The following SERPINA6 variants were observed in gnomAD, a reference collection of about 807,000 sequenced individuals.
The protein encoded by SERPINA6 is serpin family A member 6, also known as corticosteroid-binding globulin.
In SERPINA6, 19 loss-of-function variants were observed where a neutral mutation model predicts 26.4. That is an observed-to-expected ratio of 0.72 (90% CI 0.50 to 1.06). The LOEUF (loss-of-function observed/expected upper bound fraction) is 1.06. SERPINA6 is among the 50% of genes least tolerant of loss of function. SERPINA6 has a pLI of 0.00. For missense variants in SERPINA6, 473 were observed against 504.0 expected (o/e 0.94, Z 0.59); for synonymous variants, 196 against 199.4 (o/e 0.98, Z 0.14).
intron 3 of SERPINA6, among the ~76,000 whole-genome samples, chr14:94,309,306 T>C (rs983378052): frequency 8.8e-5 from 6 of 68,026 alleles, no homozygotes; most frequent in African/African-American, 2.5e-4. Context: ...GGCTCCATGA[T>C]GTATACATTT....
intron 1 of SERPINA6, 189 bp from the exon 2 acceptor site, chr14:94,314,856 C>T (rs775301717): frequency 4.5e-4 from 287 of 632,578 alleles, no homozygotes; most frequent in Middle Eastern, 4.2e-4. Context: ...GAATAACAGC[C>T]GTTATGATTT....
In SERPINA6 at chr14:94,306,227, G is replaced by A; in HGVS notation, c.885-9C>T. 1.2e-6 allele frequency: 2 copies of A among 1,614,082 alleles called. No individual in the cohort carries two copies. The highest frequency in any genetic ancestry group is 8.5e-7 in the Non-Finnish European group (1 of 1,180,014). On this transcript the variant is annotated splice_polypyrimidine_tract_variant and intron_variant, in intron 3 of 4. Coordinates refer to ENST00000341584, the MANE Select transcript of SERPINA6 (RefSeq NM_001756.4). Reference sequence around the variant, plus strand: ...TGTACAGGTCCACCTGGCTGCTCGGGGTAAGCAGACAGAGTTAGACATTCC... The same window carrying A: ...TGTACAGGTCCACCTGGCTGCTCGGAGTAAGCAGACAGAGTTAGACATTCC...
chr14:94,304,661 G>A (rs920808577), intron 4 of SERPINA6, 58 bp from the exon 5 acceptor site: 4 of 1,450,014 alleles, frequency 2.8e-6, no homozygotes, highest in Non-Finnish European at 2.9e-6. Context: ...TCGCTTTCCT[G>A]ACTCATTGCT....
At chr14:94,320,922 G>C (rs1895676232) in intron 1 of SERPINA6, among the ~76,000 whole-genome samples, 1 of 152,122 alleles carries the variant, frequency 6.6e-6, no homozygotes, top group Non-Finnish European at 1.5e-5. Context: ...TTCTCCATCG[G>C]GTTTCTGACT....
chr14:94,305,995 A>G (rs1895433293), intron 4 of SERPINA6, 76 bp downstream of exon 4: 1 of 1,560,374 alleles, frequency 6.4e-7, no homozygotes, highest in Non-Finnish European at 8.8e-7. Flanking sequence ...GAACGAACTC[A>G]GTGCCACTTC....
At chr14:94,317,862 G>A (rs1165933471) in intron 1 of SERPINA6, among the ~76,000 whole-genome samples, 1 of 152,152 alleles carries the variant, frequency 6.6e-6, no homozygotes, top group Non-Finnish European at 1.5e-5. Flanking sequence ...GAGCAATTGG[G>A]CAAGGAAAGA....
chr14:94,312,306 C>G (rs1027952195), intron 2 of SERPINA6, among the ~76,000 whole-genome samples: 2 of 152,174 alleles, frequency 1.3e-5, no homozygotes, highest in Admixed American at 6.5e-5. Flanking sequence ...GGCCAGCACC[C>G]GTTCCACCAA....
intron 1 of SERPINA6, chr14:94,314,925 C>T: frequency 3.6e-6 from 2 of 557,568 alleles, no homozygotes; most frequent in Non-Finnish European, 6.4e-6. Context: ...ATTCAGTCAT[C>T]TAACCATTAC....
At chr14:94,306,968 C>T (rs1457095559) in intron 3 of SERPINA6, among the ~76,000 whole-genome samples, 1 of 152,192 alleles carries the variant, frequency 6.6e-6, no homozygotes. Flanking sequence ...CGCACCGGCT[C>T]TCTTGGCAGA....
Position 94,306,054 on chromosome 14 carries a change from G to T in SERPINA6, c.1032+17C>A. ...ATTTTGGAGGGGGAAGAAAAGGTGG[G>T]TTCCCATGACATTTACCTTTGATGA... On this transcript the variant is annotated intron_variant, in intron 4 of 4. Coordinates refer to ENST00000341584, the MANE Select transcript of SERPINA6 (RefSeq NM_001756.4). The T allele has an allele frequency of 6.2e-7, 1 of 1,614,110 alleles. No homozygotes were observed. Among genetic ancestry groups the T allele is most frequent in the Non-Finnish European group, 8.5e-7 (1 of 1,179,964 alleles).
At chr14:94,305,989 G>A (rs776247301) in intron 4 of SERPINA6, 82 bp downstream of exon 4, 34 of 1,536,826 alleles carry the variant, frequency 2.2e-5, no homozygotes, top group Admixed American at 5.1e-5. Flanking sequence ...ATTCATGAAC[G>A]AACTCAGTGC....
At chr14:94,310,070 G>A (rs944456943) in intron 2 of SERPINA6, 64 bp from the exon 3 acceptor site, 54 of 1,534,484 alleles carry the variant, frequency 3.5e-5, no homozygotes, top group Non-Finnish European at 4.1e-5. Flanking sequence ...GTGATCTCAC[G>A]GGCCTACTAT....
At chr14:94,305,782 G>T (rs1654144026) in intron 4 of SERPINA6, among the ~76,000 whole-genome samples, 1 of 152,188 alleles carries the variant, frequency 6.6e-6, no homozygotes, top group African/African-American at 2.4e-5. Flanking sequence ...GCTCTGCCAT[G>T]ACAACTTGGT....
chr14:94,309,444 A>C (rs893312280), intron 3 of SERPINA6, among the ~76,000 whole-genome samples: 2 of 152,240 alleles, frequency 1.3e-5, no homozygotes, highest in African/African-American at 4.8e-5. Context: ...CTTTAAGAAA[A>C]TGCTACAAAA....
chr14:94,315,625 G>A (rs1263510567), intron 1 of SERPINA6, among the ~76,000 whole-genome samples: 1 of 152,140 alleles, frequency 6.6e-6, no homozygotes, highest in African/African-American at 2.4e-5. Flanking sequence ...AATGTAAATA[G>A]ACTGACTGAA....
At position 94,309,937 on chromosome 14, in the gene SERPINA6, A is replaced by C. The variant is rs1388905843; in HGVS notation, c.683T>G (p.Val228Gly). 1.2e-6 allele frequency: 2 copies of C among 1,614,120 alleles called. No individual in the cohort carries two copies. The highest frequency in any genetic ancestry group is 2.2e-5 in the South Asian group (2 of 91,082). Residue 228 changes from valine (V) to glycine (G), a missense_variant, in exon 3 of 5, where the codon GTG becomes GGG. Val to Gly is a moderately radical substitution (Grantham distance 109). Transcript: ENST00000341584. ...EENFYVDETT[V>G]VKVPMMLQSS... ...CTGCAACATCATGGGCACCTTCACC[A>C]CAGTTGTCTCGTCCACATAGAAGTT...
rs201893200 is a variant in SERPINA6, at chr14:94,304,524, G to T, written c.1112C>A (p.Thr371Lys). 1 of 1,614,170 alleles carries T rather than the reference G, an allele frequency of 6.2e-7. No homozygotes were observed. The highest frequency in any genetic ancestry group is 8.5e-7 in the Non-Finnish European group (1 of 1,180,002). The change falls in exon 5 of 5, where the codon ACG becomes AAG. Residue 371 changes from threonine to lysine, a missense_variant. By Grantham distance (78) the Thr-to-Lys change is moderately conservative. Coordinates refer to ENST00000341584, the MANE Select transcript of SERPINA6 (RefSeq NM_001756.4). ...AGSTGVTLNL[T>K]SKPIILRFNQ... ...GAAACGCAAGATGATAGGCTTGGACGTCAGGTTTAGGGTGACCCCAGTGGA... is the reference window on the plus strand; with the variant it reads ...GAAACGCAAGATGATAGGCTTGGACTTCAGGTTTAGGGTGACCCCAGTGGA...
intron 3 of SERPINA6, among the ~76,000 whole-genome samples, chr14:94,307,597 C>T (rs140020354): frequency 2.6e-4 from 39 of 152,302 alleles, no homozygotes; most frequent in Middle Eastern, 3.4e-3. Context: ...GCGTTATCAC[C>T]CCCTTGTGGT....
chr14:94,314,671 C>T lies in SERPINA6; in HGVS notation c.-19-4G>A. On this transcript the variant is annotated splice_polypyrimidine_tract_variant and splice_region_variant and intron_variant, in intron 1 of 4. Transcript: ENST00000341584. ...CATTGTCCAGTATAGCCAGGCCCTGCCAAATCAGAAAAGCTTGTTAGATGC... is the reference window on the plus strand; with the variant it reads ...CATTGTCCAGTATAGCCAGGCCCTGTCAAATCAGAAAAGCTTGTTAGATGC... 1.2e-6 allele frequency: 2 copies of T among 1,609,636 alleles called. No homozygotes were observed. Among genetic ancestry groups the T allele is most frequent in the Non-Finnish European group, 1.7e-6 (2 of 1,179,892 alleles).
Sources: gnomAD v4.1 joint callset for allele counts (sites outside exome capture counted in the v4.1 genomes callset) on GRCh38, gnomAD v4.1.1 for gene constraint, MANE v1.5 for transcripts, NCBI Gene and HGNC (gene_info 2026-07-23, HGNC 2026-07-21) for gene names.